VAV2: variants seen among roughly 807,000 people sequenced by gnomAD.
VAV2 encodes vav guanine nucleotide exchange factor 2.
In VAV2, 67 loss-of-function variants were observed where a neutral mutation model predicts 132.5. The observed-to-expected ratio is 0.51, with a 90% CI of 0.42 to 0.62. The LOEUF (loss-of-function observed/expected upper bound fraction) is 0.62, where lower values mean the gene tolerates loss of function less well. VAV2 is among the 20% of genes least tolerant of loss of function. VAV2 has a pLI of 0.00. For missense variants in VAV2, 938 were observed against 1,153.6 expected (o/e 0.81, Z 2.71); for synonymous variants, 492 against 443.5 (o/e 1.11, Z -1.37).
Position 133,788,222 on chromosome 9 carries a change from G to GGCCCCCCCCCC in VAV2, c.1407+131_1407+132insGGGGGGGGGGC. 1.6e-6 allele frequency: 1 copy of GGCCCCCCCCCC among 618,164 alleles called. No individual in the cohort carries two copies. The highest frequency in any genetic ancestry group is 2.8e-6 in the Non-Finnish European group (1 of 351,098). The allele number at this position is 618,164 out of a possible 1,614,324, so 38.3% of individuals were successfully genotyped here. A position where few individuals can be genotyped will look rare whatever the true frequency, so the allele number is the denominator to read the frequency against. ...AGGAGCCTTCCTGCAGAGCGGAGAC[G>GGCCCCCCCCCC]CCCACCCCAACCCACCCGGCCAGCA... On this transcript the variant is annotated intron_variant, in intron 15 of 29. Transcript: ENST00000371850. The surrounding 1 kb of genome is among the most constrained non-coding windows in gnomAD (Gnocchi z 5.3).
chr9:133,821,823 C>T lies in VAV2; in HGVS notation c.450-9607G>A, dbSNP rs544637701. On this transcript the variant is annotated intron_variant, in intron 4 of 29. Coordinates refer to ENST00000371850, the MANE Select transcript of VAV2 (RefSeq NM_001134398.2). ...AAGCCCAGACGTGAATGGGCCTCCA[C>T]GGCCAGACCTGGGCCCCAGCCCAGC... Among the ~76,000 whole-genome samples, 185 of 152,316 alleles carry T rather than the reference C, an allele frequency of 1.2e-3. 8 individuals are homozygous for T. The South Asian group carries it at 0.026, about 21-fold the overall frequency.
chr9:133,922,613 A>C (rs10821538), intron 2 of VAV2, among the ~76,000 whole-genome samples: 3,203 of 152,310 alleles, frequency 0.021, 105 homozygotes, highest in African/African-American at 0.057. Context: ...TCATCGTTCC[A>C]ACACATGGTG....
chr9:133,845,267 CA>C (rs1301990679), intron 3 of VAV2, among the ~76,000 whole-genome samples: 2 of 152,262 alleles, frequency 1.3e-5, no homozygotes, highest in Admixed American at 1.3e-4. Context: ...GGCTGGATGG[CA>C]GGGGCTCTGG....
At chr9:133,940,241 A>G (rs1490077605) in intron 1 of VAV2, among the ~76,000 whole-genome samples, 4 of 152,146 alleles carry the variant, frequency 2.6e-5, no homozygotes, top group Non-Finnish European at 4.4e-5. Flanking sequence ...GGGAGCCATC[A>G]GCCCCCCAAT....
chr9:133,785,934 T>C, intron 16 of VAV2, 49 bp from the exon 17 acceptor site: 1 of 1,519,198 alleles, frequency 6.6e-7, no homozygotes, highest in Non-Finnish European at 9.1e-7. Flanking sequence ...GCTTCAGACA[T>C]CCTGGCACAT....
chr9:133,784,448 C>T (rs767956928), intron 17 of VAV2, 30 bp from the exon 18 acceptor site: 4 of 1,611,178 alleles, frequency 2.5e-6, no homozygotes, highest in Admixed American at 3.3e-5. Context: ...GCAGATGCTA[C>T]ACCCACTGGA....
At chr9:133,939,048 C>A in intron 2 of VAV2, 55 bp downstream of exon 2, 1 of 1,541,366 alleles carries the variant, frequency 6.5e-7, no homozygotes, top group Non-Finnish European at 9.0e-7. Flanking sequence ...GCCGCTGAGC[C>A]GGCAAATCGG....
At chr9:133,909,581 A>G (rs1242673947) in intron 2 of VAV2, among the ~76,000 whole-genome samples, 2 of 152,186 alleles carry the variant, frequency 1.3e-5, no homozygotes, top group East Asian at 3.9e-4. Context: ...AGGCTGTGCC[A>G]TCCACAAGAG....
intron 1 of VAV2, among the ~76,000 whole-genome samples, chr9:133,990,586 G>C (rs986918931): frequency 6.6e-6 from 1 of 152,176 alleles, no homozygotes; most frequent in Admixed American, 6.5e-5. Context: ...AATCCTGCCC[G>C]AGCAAGTCAG....
At chr9:133,888,475 G>T (rs745317894) in intron 2 of VAV2, among the ~76,000 whole-genome samples, 9 of 152,226 alleles carry the variant, frequency 5.9e-5, no homozygotes, top group Non-Finnish European at 1.0e-4. Flanking sequence ...GGCCAAACAC[G>T]GACAGGCAGG....
At chr9:133,838,654 G>C (rs1836577322) in intron 3 of VAV2, among the ~76,000 whole-genome samples, 1 of 145,494 alleles carries the variant, frequency 6.9e-6, no homozygotes, top group African/African-American at 2.5e-5. Flanking sequence ...TAGATGGATG[G>C]ATGGGTGGAT....
intron 1 of VAV2, among the ~76,000 whole-genome samples, chr9:133,943,962 C>A (rs765639564): frequency 1.4e-4 from 21 of 152,228 alleles, no homozygotes; most frequent in Non-Finnish European, 2.6e-4. Context: ...TCTTGCAAGG[C>A]GCCAGGGCGG....
chr9:133,865,257 T>G (rs905740305), intron 2 of VAV2, among the ~76,000 whole-genome samples: 1 of 152,252 alleles, frequency 6.6e-6, no homozygotes, highest in African/African-American at 2.4e-5. Context: ...GCGGATTCAC[T>G]GTAGGACAAT....
intron 1 of VAV2, among the ~76,000 whole-genome samples, chr9:133,939,502 T>G (rs924430549): frequency 7.9e-5 from 12 of 152,038 alleles, no homozygotes; most frequent in Non-Finnish European, 1.6e-4. Flanking sequence ...ATCACATAGC[T>G]GCAAAACCCC....
intron 3 of VAV2, among the ~76,000 whole-genome samples, chr9:133,838,669 G>A (rs1836577857): frequency 6.7e-6 from 1 of 148,530 alleles, no homozygotes; most frequent in Non-Finnish European, 1.5e-5. Context: ...GTGGATGGAA[G>A]GACGAATGGA....
At chr9:133,829,590 A>C (rs3902657) in intron 4 of VAV2, among the ~76,000 whole-genome samples, 1,560 of 152,340 alleles carry the variant, frequency 0.01, 25 homozygotes, top group African/African-American at 0.035. Context: ...CACTGATCAC[A>C]AGGTGACCCA....
chr9:133,978,704 A>T (rs1308722464), intron 1 of VAV2, among the ~76,000 whole-genome samples: 1 of 152,266 alleles, frequency 6.6e-6, no homozygotes, highest in Non-Finnish European at 1.5e-5. Flanking sequence ...CAAAACCTGC[A>T]GCTGCCAGGC....
In VAV2 at chr9:133,769,398, C is replaced by A; in HGVS notation, c.2434+19G>T. ...CTGCCACAGGCCCGGTCCCCCCACG[C>A]CCTGGGGAGCAGCGGTACCTGACCA... On this transcript the variant is annotated intron_variant, in intron 28 of 29. Coordinates refer to ENST00000371850, the MANE Select transcript of VAV2 (RefSeq NM_001134398.2). This position sits in a 1 kb window ranked among gnomAD's most constrained non-coding sequence, Gnocchi z 8.1. The A allele has an allele frequency of 6.2e-7, 1 of 1,603,520 alleles. No homozygotes were observed. The highest frequency in any genetic ancestry group is 8.5e-7 in the Non-Finnish European group (1 of 1,175,448).
intron 25 of VAV2, among the ~76,000 whole-genome samples, chr9:133,772,254 C>T (rs1480223509): frequency 7.9e-5 from 12 of 152,202 alleles, no homozygotes; most frequent in East Asian, 1.9e-4. Context: ...CCTCCTTGCT[C>T]GTTTGGGGCC....
Sources: gnomAD v4.1 joint callset for allele counts (sites outside exome capture counted in the v4.1 genomes callset) on GRCh38, gnomAD v4.1.1 for gene constraint, Gnocchi (gnomAD v3.1) non-coding constraint, MANE v1.5 for transcripts, NCBI Gene and HGNC (gene_info 2026-07-23, HGNC 2026-07-21) for gene names.